Variants in P4HB observed in about 807,000 individuals in gnomAD.
The protein encoded by P4HB is prolyl 4-hydroxylase subunit beta.
In P4HB, 20 loss-of-function variants were observed where a neutral mutation model predicts 52.6. That is an observed-to-expected ratio of 0.38 (90% confidence interval 0.27 to 0.55). The LOEUF (loss-of-function observed/expected upper bound fraction) is 0.55. P4HB is among the 20% of genes least tolerant of loss of function. P4HB has a pLI of 0.74. For synonymous variants in P4HB, 296 were observed against 277.9 expected, an observed-to-expected ratio of 1.07 and a Z score of -0.65; for missense variants, 601 against 669.2, an observed-to-expected ratio of 0.90 and a Z score of 1.12.
At chr17:81,849,818 T>C (rs923839056) in intron 4 of P4HB, among the ~76,000 whole-genome samples, 1 of 151,562 alleles carries the variant, frequency 6.6e-6, no homozygotes, top group African/African-American at 2.4e-5. Context: ...TATTTATTTT[T>C]AAAATTTATT....
chr17:81,845,588 C>A lies in P4HB; in HGVS notation c.1332G>T (p.Lys444Asn). 6 of 1,609,236 alleles carry A rather than the reference C, an allele frequency of 3.7e-6. No individual in the cohort carries two copies. The highest frequency in any genetic ancestry group is 4.2e-6 in the Non-Finnish European group (5 of 1,176,592). Residue 444 changes from lysine (K) to asparagine (N), a missense_variant, in exon 9 of 11, where the codon AAG becomes AAT. By Grantham distance (94) the Lys-to-Asn change is moderately conservative. Transcript: ENST00000331483. ...AVKVHSFPTL[K>N]FFPASADRTV... ...TCCTGTCGGCACTGGCAGGAAAGAA[C>A]TTGAGTGTGGGGAAGCTGTGCACTT...
chr17:81,856,687 G>A (rs377573841), intron 2 of P4HB, among the ~76,000 whole-genome samples: 3 of 136,690 alleles, frequency 2.2e-5, no homozygotes, highest in Non-Finnish European at 4.6e-5. Context: ...TACCTCTGTC[G>A]TCCAGGCTGG....
chr17:81,852,968 T>A (rs2038855461), intron 4 of P4HB, among the ~76,000 whole-genome samples: 1 of 152,260 alleles, frequency 6.6e-6, no homozygotes, highest in African/African-American at 2.4e-5. Flanking sequence ...AAAAGACCTT[T>A]GGTTCCTTCA....
intron 4 of P4HB, among the ~76,000 whole-genome samples, chr17:81,854,801 A>C (rs1285407315): frequency 1.3e-5 from 2 of 151,462 alleles, no homozygotes; most frequent in East Asian, 3.9e-4. Context: ...GAGATCACGC[A>C]ACTGCACTCC....
chr17:81,859,390 G>A lies in P4HB; in HGVS notation c.146-3C>T, dbSNP rs1433284679. ...GCAGTGGCCACACCAAGGGGCATCTGGAAGCGGAAATGAGATGCTAGAAAG... is the reference window on the plus strand; with the variant it reads ...GCAGTGGCCACACCAAGGGGCATCTAGAAGCGGAAATGAGATGCTAGAAAG... On this transcript the variant is annotated splice_polypyrimidine_tract_variant and splice_region_variant and intron_variant, in intron 1 of 10. Coordinates refer to ENST00000331483, the MANE Select transcript of P4HB (RefSeq NM_000918.4). 2 of 1,611,820 alleles carry A rather than the reference G, an allele frequency of 1.2e-6. No individual in the cohort carries two copies. The highest frequency in any genetic ancestry group is 2.2e-5 in the South Asian group (2 of 91,072).
chr17:81,844,051 C>T lies in P4HB; in HGVS notation c.1488G>A (p.Glu496=), dbSNP rs2038693782. The change falls in exon 11 of 11, where the codon GAG becomes GAA. Residue 496 remains glutamate, a synonymous_variant. Coordinates refer to ENST00000331483, the MANE Select transcript of P4HB (RefSeq NM_000918.4). ...DLEEAEEPDM[E]EDDDQKAVKD... ...TCACAGCTTTCTGATCATCGTCTTC[C>T]TCCATGTCTGGCTCCTCTGCTTCTT... 2.5e-6 allele frequency: 4 copies of T among 1,613,888 alleles called. No homozygotes were observed. Among genetic ancestry groups the T allele is most frequent in the East Asian group, 4.5e-5 (2 of 44,882 alleles).
chr17:81,852,554 T>C (rs552680414), intron 4 of P4HB, among the ~76,000 whole-genome samples: 11 of 152,368 alleles, frequency 7.2e-5, no homozygotes, highest in Admixed American at 1.3e-4. Flanking sequence ...CGGAGCTGCC[T>C]GCAACGACCA....
Position 81,859,202 on chromosome 17 carries a change from C to T in P4HB, c.331G>A (p.Ala111Thr). The T allele has an allele frequency of 6.2e-7, 1 of 1,613,904 alleles. No homozygotes were observed. Among genetic ancestry groups the T allele is most frequent in the Non-Finnish European group, 8.5e-7 (1 of 1,179,974 alleles). The change falls in exon 2 of 11, where the codon GCT becomes ACT. Residue 111 changes from alanine to threonine, a missense_variant. Transcript: ENST00000331483. The part of the protein sequence containing the change: ...TIKFFRNGDT[A>T]SPKEYTAGRE... ...ACACCTGTATATTCCTTGGGGGAAG[C>T]CGTGTCTCCATTCCTGAAGAACTTG...
intron 4 of P4HB, among the ~76,000 whole-genome samples, chr17:81,852,478 G>A (rs1405261873): frequency 6.6e-6 from 1 of 152,226 alleles, no homozygotes; most frequent in African/African-American, 2.4e-5. Flanking sequence ...TCTCAGCTGC[G>A]GGGTGAGCTC....
chr17:81,845,474 G>T, intron 9 of P4HB, 87 bp downstream of exon 9: 1 of 1,321,606 alleles, frequency 7.6e-7, no homozygotes, highest in Non-Finnish European at 1.0e-6. Context: ...CTAGCCCCAG[G>T]CTCCTTCCAG....
intron 4 of P4HB, among the ~76,000 whole-genome samples, chr17:81,848,553 C>G (rs900116533): frequency 1.3e-5 from 2 of 149,626 alleles, no homozygotes; most frequent in East Asian, 4.0e-4. Context: ...CTGGCCAACA[C>G]GGTAAAACCC....
chr17:81,858,774 C>T (rs1040742748), intron 2 of P4HB: 17 of 209,064 alleles, frequency 8.1e-5, no homozygotes, highest in Admixed American at 1.6e-4. Flanking sequence ...CACGCAAGCA[C>T]GTGACGCGGC....
In P4HB at chr17:81,859,194, G is replaced by A. The variant is rs2038959812; in HGVS notation, c.339C>T (p.Pro113=). ...CCACAGCCACACCTGTATATTCCTT[G>A]GGGGAAGCCGTGTCTCCATTCCTGA... The part of the protein sequence containing the change: ...KFFRNGDTAS[P]KEYTAGREAD... Residue 113 remains proline, a synonymous_variant, in exon 2 of 11, where the codon CCC becomes CCT. Coordinates refer to ENST00000331483, the MANE Select transcript of P4HB (RefSeq NM_000918.4). 1.2e-6 allele frequency: 2 copies of A among 1,613,566 alleles called. No homozygotes were observed. The highest frequency in any genetic ancestry group is 1.7e-5 in the Admixed American group (1 of 60,004).
chr17:81,850,109 T>A (rs1482395901), intron 4 of P4HB, among the ~76,000 whole-genome samples: 1 of 151,652 alleles, frequency 6.6e-6, no homozygotes. Context: ...ATTATAAGTG[T>A]GAGCCACTGA....
At chr17:81,849,467 G>A (rs1462891123) in intron 4 of P4HB, among the ~76,000 whole-genome samples, 1 of 152,124 alleles carries the variant, frequency 6.6e-6, no homozygotes, top group African/African-American at 2.4e-5. Flanking sequence ...CTGCATTCGA[G>A]CCTGGCAACA....
intron 4 of P4HB, 133 bp from the exon 5 acceptor site, chr17:81,847,480 C>A: frequency 1.4e-6 from 1 of 732,208 alleles, no homozygotes. Context: ...GCCACAGGTC[C>A]AGCAATGGGT....
chr17:81,859,605 C>T, intron 1 of P4HB: 1 of 573,112 alleles, frequency 1.7e-6, no homozygotes, highest in Non-Finnish European at 3.1e-6. Context: ...CACCAACCAA[C>T]ACCAGCCCCC....
intron 4 of P4HB, among the ~76,000 whole-genome samples, chr17:81,851,445 G>A (rs543476550): frequency 6.6e-6 from 1 of 152,350 alleles, no homozygotes; most frequent in East Asian, 1.9e-4. Context: ...AACCCGAGGG[G>A]CAGAGGCTTC....
chr17:81,844,909 G>A (rs1384921905), intron 10 of P4HB, among the ~76,000 whole-genome samples: 1 of 152,268 alleles, frequency 6.6e-6, no homozygotes, highest in Non-Finnish European at 1.5e-5. Context: ...GGTTTTTAAA[G>A]ATGCCTTCAA....
Sources: gnomAD v4.1 joint callset for allele counts (sites outside exome capture counted in the v4.1 genomes callset) on GRCh38, gnomAD v4.1.1 for gene constraint, MANE v1.5 for transcripts, NCBI Gene and HGNC (gene_info 2026-07-23, HGNC 2026-07-21) for gene names.